The following LARGE1 variants were observed in gnomAD, a reference collection of about 807,000 sequenced individuals.
The protein encoded by LARGE1 is LARGE xylosyl- and glucuronyltransferase 1.
Under a neutral mutation model 87.6 loss-of-function variants are expected in LARGE1, and 43 were observed. That is an observed-to-expected ratio of 0.49 (90% CI 0.38 to 0.63). The LOEUF (loss-of-function observed/expected upper bound fraction) is 0.63, where lower values mean the gene tolerates loss of function less well. Ranked by LOEUF, LARGE1 falls within the 30% of genes least tolerant of loss-of-function variation. The probability of loss-of-function intolerance (pLI) is 0.00; values close to 1 mark genes in which losing one functional copy is unlikely to be tolerated. For missense variants in LARGE1, 802 were observed against 1,000.2 expected (o/e 0.80, Z 2.67); for synonymous variants, 434 against 394.6 (o/e 1.10, Z -1.18).
chr22:33,837,047 C>T (rs1015154150), intron 1 of LARGE1, among the ~76,000 whole-genome samples: 6 of 152,140 alleles, frequency 3.9e-5, no homozygotes, highest in Non-Finnish European at 5.9e-5. Context: ...CACACGGGAC[C>T]TCCATGTGGG....
At chr22:33,214,130 C>A (rs954497970) in intron 11 of LARGE1, among the ~76,000 whole-genome samples, 2 of 152,170 alleles carry the variant, frequency 1.3e-5, no homozygotes, top group Non-Finnish European at 2.9e-5. Context: ...TGTACCTATG[C>A]CACAAACTGA....
intron 6 of LARGE1, among the ~76,000 whole-genome samples, chr22:33,451,251 G>A (rs575757328): frequency 6.6e-6 from 1 of 152,120 alleles, no homozygotes; most frequent in Non-Finnish European, 1.5e-5. Flanking sequence ...TTTCAGAGAT[G>A]GGGGTGGGCA....
At chr22:33,113,910 G>A in the LARGE1 span, among the ~76,000 whole-genome samples, 3 of 147,604 alleles carry the variant, frequency 2.0e-5, no homozygotes, top group African/African-American at 7.5e-5. Context: ...TCGCTCTATC[G>A]CCCAGGCTGG....
chr22:33,090,342 A>G, the LARGE1 span, among the ~76,000 whole-genome samples: 1 of 152,218 alleles, frequency 6.6e-6, no homozygotes, highest in Admixed American at 6.5e-5. Flanking sequence ...AATTATAAGC[A>G]CTGAAAAAAA....
intron 5 of LARGE1, among the ~76,000 whole-genome samples, chr22:33,586,659 A>G (rs1265013540): frequency 6.6e-6 from 1 of 151,980 alleles, no homozygotes; most frequent in East Asian, 1.9e-4. Flanking sequence ...GGGTTTCACC[A>G]TGTTAGCCAG....
At chr22:33,895,607 G>A (rs2065121919) in intron 1 of LARGE1, among the ~76,000 whole-genome samples, 1 of 152,152 alleles carries the variant, frequency 6.6e-6, no homozygotes, top group South Asian at 2.1e-4. Flanking sequence ...CTTCTTGCTG[G>A]CTGTGGGCAG....
chr22:33,259,872 A>T (rs1338926145), intron 11 of LARGE1, among the ~76,000 whole-genome samples: 1 of 152,154 alleles, frequency 6.6e-6, no homozygotes, highest in Non-Finnish European at 1.5e-5. Context: ...TACCACATGC[A>T]TCTGGTATTT....
At chr22:33,492,454 T>C (rs1207813164) in intron 6 of LARGE1, among the ~76,000 whole-genome samples, 1 of 152,174 alleles carries the variant, frequency 6.6e-6, no homozygotes, top group African/African-American at 2.4e-5. Flanking sequence ...TGAATCTCCT[T>C]TGTCCCCTCA....
At chr22:33,623,738 A>C (rs542214418) in intron 4 of LARGE1, among the ~76,000 whole-genome samples, 82 of 150,946 alleles carry the variant, frequency 5.4e-4, no homozygotes, top group Non-Finnish European at 1.0e-3. Context: ...TAAAGTCTAA[A>C]GAGTTAAAAT....
At chr22:33,225,655 A>G (rs1010076202) in intron 11 of LARGE1, among the ~76,000 whole-genome samples, 1 of 151,802 alleles carries the variant, frequency 6.6e-6, no homozygotes, top group African/African-American at 2.4e-5. Context: ...TGTACAGATC[A>G]TTTTATCACC....
At chr22:33,718,079 G>T (rs985826528) in intron 2 of LARGE1, among the ~76,000 whole-genome samples, 15 of 152,198 alleles carry the variant, frequency 9.9e-5, no homozygotes, top group Non-Finnish European at 1.9e-4. Context: ...ACCTTTCCAT[G>T]TGGTTGCAGA....
chr22:33,335,681 C>T (rs1448746945), intron 10 of LARGE1, among the ~76,000 whole-genome samples: 3 of 152,226 alleles, frequency 2.0e-5, no homozygotes, highest in Non-Finnish European at 2.9e-5. Context: ...AGCTCCTAGG[C>T]ACACTGGCCA....
At chr22:33,685,249 T>C (rs1390161538) in intron 2 of LARGE1, among the ~76,000 whole-genome samples, 5 of 152,128 alleles carry the variant, frequency 3.3e-5, no homozygotes, top group African/African-American at 1.2e-4. Flanking sequence ...GGTATTAATA[T>C]ACAAAAGAAA....
At chr22:33,313,502 A>G (rs1846851950) in intron 11 of LARGE1, among the ~76,000 whole-genome samples, 1 of 152,226 alleles carries the variant, frequency 6.6e-6, no homozygotes, top group Admixed American at 6.5e-5. Context: ...GCCCTGTGTT[A>G]TCGCCCTCTT....
At chr22:33,743,402 C>T in intron 2 of LARGE1, among the ~76,000 whole-genome samples, 1 of 152,162 alleles carries the variant, frequency 6.6e-6, no homozygotes, top group East Asian at 1.9e-4. Flanking sequence ...TGCCAGTATC[C>T]ATTTGCTCAG....
At chr22:33,632,985 G>T (rs935109598) in intron 3 of LARGE1, among the ~76,000 whole-genome samples, 3 of 152,142 alleles carry the variant, frequency 2.0e-5, no homozygotes, top group African/African-American at 7.2e-5. Context: ...TGTACTTGAT[G>T]ATACAGGTAA....
At chr22:33,467,977 T>G (rs2148072873) in intron 6 of LARGE1, among the ~76,000 whole-genome samples, 1 of 152,306 alleles carries the variant, frequency 6.6e-6, no homozygotes, top group East Asian at 1.9e-4. Flanking sequence ...GGCTGTGACC[T>G]CAATGTTCGG....
chr22:33,896,344 T>G (rs977780537), intron 1 of LARGE1, among the ~76,000 whole-genome samples: 1 of 152,246 alleles, frequency 6.6e-6, no homozygotes, highest in Non-Finnish European at 1.5e-5. Context: ...GATGAACACC[T>G]GGGTGGCTTC....
At chr22:33,433,010 G>A (rs5998941) in intron 6 of LARGE1, among the ~76,000 whole-genome samples, 85,794 of 152,016 alleles carry the variant, frequency 0.56, 25,061 homozygotes, top group African/African-American at 0.71. Context: ...TTAGCCTTGT[G>A]GTCAATCTCT....
Sources: gnomAD v4.1 joint callset for allele counts (sites outside exome capture counted in the v4.1 genomes callset) on GRCh38, gnomAD v4.1.1 for gene constraint, MANE v1.5 for transcripts, NCBI Gene and HGNC (gene_info 2026-07-23, HGNC 2026-07-21) for gene names.